The following MSRA variants were observed in gnomAD, a reference collection of about 807,000 sequenced individuals.
The protein encoded by MSRA is methionine sulfoxide reductase A, also known as mitochondrial peptide methionine sulfoxide reductase.
Under a neutral mutation model 31.3 loss-of-function variants are expected in MSRA, and 54 were observed. The ratio of observed to expected loss-of-function variants is 1.73; its 90% CI spans 1.39 to 2.17. MSRA has a LOEUF of 2.17. MSRA is among the 30% of genes most tolerant of loss of function. The pLI, the probability that MSRA is intolerant of heterozygous loss-of-function variation, is 0.00. For synonymous variants in MSRA, 169 were observed against 116.5 expected (o/e 1.45, Z -2.90); for missense variants, 507 against 300.9 (o/e 1.69, Z -5.07).
At chr8:10,348,900 G>C (rs1286920356) in intron 5 of MSRA, among the ~76,000 whole-genome samples, 1 of 152,120 alleles carries the variant, frequency 6.6e-6, no homozygotes, top group Non-Finnish European at 1.5e-5. Flanking sequence ...GTGGGAAAGA[G>C]GGAAACAGCC....
intron 1 of MSRA, among the ~76,000 whole-genome samples, chr8:10,120,294 T>C (rs895723123): frequency 6.6e-6 from 1 of 152,160 alleles, no homozygotes; most frequent in Non-Finnish European, 1.5e-5. Flanking sequence ...CACTTTGTGA[T>C]TGTACCAAAT....
intron 5 of MSRA, among the ~76,000 whole-genome samples, chr8:10,355,445 C>T (rs1585567025): frequency 1.3e-5 from 2 of 152,150 alleles, no homozygotes; most frequent in East Asian, 1.9e-4. Context: ...AACGATGTGT[C>T]GGAGGGCATT....
intron 1 of MSRA, among the ~76,000 whole-genome samples, chr8:10,164,110 A>G (rs948809706): frequency 1.3e-5 from 2 of 152,176 alleles, no homozygotes; most frequent in East Asian, 1.9e-4. Context: ...TTAAAACCGC[A>G]TACTTACACA....
chr8:10,107,937 T>G (rs1248915226), intron 1 of MSRA, among the ~76,000 whole-genome samples: 1 of 152,222 alleles, frequency 6.6e-6, no homozygotes, highest in African/African-American at 2.4e-5. Flanking sequence ...CAGTGTTTAA[T>G]GACCTTTGCT....
chr8:10,400,689 C>T (rs1392762032), intron 5 of MSRA, among the ~76,000 whole-genome samples: 1 of 152,064 alleles, frequency 6.6e-6, no homozygotes, highest in Non-Finnish European at 1.5e-5. Context: ...TAGTGTTAGA[C>T]AGGAAGGCTG....
chr8:10,364,042 C>G (rs1031532035), intron 5 of MSRA, among the ~76,000 whole-genome samples: 9 of 152,210 alleles, frequency 5.9e-5, no homozygotes, highest in Admixed American at 4.6e-4. Flanking sequence ...ACCCTGTTCT[C>G]TGCCAGAGAA....
chr8:10,055,429 T>C (rs933437741), intron 1 of MSRA, among the ~76,000 whole-genome samples: 4 of 152,232 alleles, frequency 2.6e-5, no homozygotes, highest in African/African-American at 9.6e-5. Flanking sequence ...CAGCACGCGT[T>C]TCCCAGAACG....
chr8:10,414,039 C>T (rs555473887), intron 5 of MSRA, among the ~76,000 whole-genome samples: 19 of 152,218 alleles, frequency 1.2e-4, no homozygotes, highest in African/African-American at 4.6e-4. Context: ...TGGTGGTGTG[C>T]TCCTGTAGTC....
At chr8:10,405,924 A>G (rs949835377) in intron 5 of MSRA, among the ~76,000 whole-genome samples, 22 of 152,250 alleles carry the variant, frequency 1.4e-4, no homozygotes, top group Admixed American at 6.5e-5. Context: ...GCACACACAC[A>G]TGCTCACATG....
At chr8:10,111,414 A>T (rs1800270132) in intron 1 of MSRA, among the ~76,000 whole-genome samples, 1 of 152,154 alleles carries the variant, frequency 6.6e-6, no homozygotes, top group African/African-American at 2.4e-5. Flanking sequence ...GTGAAAGCCA[A>T]AACAATAGGA....
intron 5 of MSRA, among the ~76,000 whole-genome samples, chr8:10,404,775 C>T (rs530222322): frequency 6.6e-6 from 1 of 152,344 alleles, no homozygotes; most frequent in East Asian, 1.9e-4. Flanking sequence ...AGGCCCATTT[C>T]CCCCAGGCCA....
chr8:10,307,433 C>G (rs1801200473), intron 4 of MSRA, among the ~76,000 whole-genome samples: 1 of 152,182 alleles, frequency 6.6e-6, no homozygotes, highest in Admixed American at 6.5e-5. Context: ...TTCCAAAGTT[C>G]TGGGATGACA....
Position 10,275,353 on chromosome 8 carries a change from C to T in MSRA, c.332-26181C>T, listed in dbSNP as rs17151561. Among the ~76,000 whole-genome samples the T allele has an allele frequency of 6.7e-3, 1,015 of 152,256 alleles. 13 individuals are homozygous for T. The highest frequency in any genetic ancestry group is 0.039 in the East Asian group (200 of 5,170). On this transcript the variant is annotated intron_variant, in intron 3 of 5. Coordinates refer to ENST00000317173, the MANE Select transcript of MSRA (RefSeq NM_012331.5). The stretch of plus-strand genomic sequence containing the variant: ...TGATTATCTGGGTCTTCTATGACTC[C>T]CCGTGTTTTATTTCCTTAGTCCAAG...
At chr8:10,182,096 T>G (rs1806596366) in intron 1 of MSRA, among the ~76,000 whole-genome samples, 2 of 152,170 alleles carry the variant, frequency 1.3e-5, no homozygotes, top group African/African-American at 4.8e-5. Context: ...ACCTCCTAAC[T>G]TTTTGAGGCT....
chr8:10,364,212 C>A (rs1239483416), intron 5 of MSRA, among the ~76,000 whole-genome samples: 1 of 152,174 alleles, frequency 6.6e-6, no homozygotes, highest in Non-Finnish European at 1.5e-5. Context: ...ATTGTCCCTG[C>A]CCGTATGAGT....
At chr8:10,357,284 C>T (rs1804563469) in intron 5 of MSRA, among the ~76,000 whole-genome samples, 1 of 152,038 alleles carries the variant, frequency 6.6e-6, no homozygotes, top group Non-Finnish European at 1.5e-5. Flanking sequence ...AAGGAGCTTC[C>T]ATGTCATTTT....
chr8:10,335,205 G>T (rs1046158278), intron 5 of MSRA, among the ~76,000 whole-genome samples: 3 of 149,616 alleles, frequency 2.0e-5, no homozygotes, highest in African/African-American at 7.4e-5. Flanking sequence ...GCTCATAAGG[G>T]AAAGTGAGCC....
chr8:10,209,168 C>A (rs1336620119), intron 2 of MSRA, among the ~76,000 whole-genome samples: 3 of 152,190 alleles, frequency 2.0e-5, no homozygotes, highest in Non-Finnish European at 4.4e-5. Flanking sequence ...CCTCTCTAAA[C>A]CATGTGCTAA....
chr8:10,392,890 CAAAAAAA>C (rs869085304), intron 5 of MSRA, among the ~76,000 whole-genome samples: 39,226 of 113,268 alleles, frequency 0.35, 6,403 homozygotes, highest in Admixed American at 0.4. Flanking sequence ...ACTAAAAATG[CAAAAAAA>C]AAAAAAAAAA....
Sources: allele counts gnomAD v4.1 joint callset (sites outside exome capture counted in the v4.1 genomes callset), GRCh38; gene constraint gnomAD v4.1.1; transcripts MANE v1.5; gene names NCBI Gene and HGNC (gene_info 2026-07-23, HGNC 2026-07-21).